Variants in PLXDC2 observed in about 807,000 individuals in gnomAD.
PLXDC2 encodes the protein plexin domain containing 2.
In PLXDC2, 40 loss-of-function variants were observed where a neutral mutation model predicts 68.9. That is an observed-to-expected ratio of 0.58 (90% confidence interval 0.45 to 0.76). PLXDC2 has a LOEUF of 0.76. PLXDC2 is among the 30% of genes least tolerant of loss of function. The pLI is 0.00. For missense variants in PLXDC2, 644 were observed against 661.9 expected, an observed-to-expected ratio of 0.97 and a Z score of 0.30; for synonymous variants, 243 against 234.2, an observed-to-expected ratio of 1.04 and a Z score of -0.34.
chr10:19,998,816 A>G (rs998664475), intron 1 of PLXDC2, among the ~76,000 whole-genome samples: 224 of 152,226 alleles, frequency 1.5e-3, no homozygotes, highest in African/African-American at 5.2e-3. Context: ...TGGGGGAAAA[A>G]AAAAATCAAA....
chr10:19,931,036 C>G (rs1185080087), intron 1 of PLXDC2, among the ~76,000 whole-genome samples: 3 of 152,148 alleles, frequency 2.0e-5, no homozygotes, highest in African/African-American at 7.2e-5. Context: ...AGACGGTGTG[C>G]TTTTGTTTGC....
chr10:19,920,086 G>A (rs554314926), intron 1 of PLXDC2, among the ~76,000 whole-genome samples: 1 of 152,318 alleles, frequency 6.6e-6, no homozygotes, highest in Admixed American at 6.5e-5. Flanking sequence ...ACTTTTAGAT[G>A]GGGCAATATA....
chr10:20,174,703 T>C (rs965328971), intron 7 of PLXDC2, among the ~76,000 whole-genome samples: 6 of 151,926 alleles, frequency 3.9e-5, no homozygotes, highest in African/African-American at 1.5e-4. Context: ...AATGACGAGT[T>C]AATGGGTGCA....
chr10:20,022,850 G>A (rs551000653), intron 2 of PLXDC2, among the ~76,000 whole-genome samples: 2 of 152,086 alleles, frequency 1.3e-5, no homozygotes, highest in South Asian at 2.1e-4. Context: ...CTTTCCTAGA[G>A]TTTTTGCGAA....
At chr10:19,847,249 T>C (rs764064105) in intron 1 of PLXDC2, among the ~76,000 whole-genome samples, 1 of 152,208 alleles carries the variant, frequency 6.6e-6, no homozygotes, top group African/African-American at 2.4e-5. Flanking sequence ...TGTTTGAATG[T>C]GCATGCTTTC....
At chr10:20,190,445 CA>C (rs147414862) in intron 9 of PLXDC2, among the ~76,000 whole-genome samples, 2,369 of 151,772 alleles carry the variant, frequency 0.016, 25 homozygotes, top group Non-Finnish European at 0.026. Context: ...AAACAAAAGG[CA>C]AAGCTCACAG....
intron 1 of PLXDC2, among the ~76,000 whole-genome samples, chr10:19,959,415 C>A (rs190949380): frequency 7.9e-5 from 12 of 152,260 alleles, no homozygotes; most frequent in Middle Eastern, 3.4e-3. Context: ...AATAATTCAT[C>A]ACTGAAAAGA....
chr10:20,026,504 T>C (rs1835405559), intron 2 of PLXDC2, among the ~76,000 whole-genome samples: 1 of 152,130 alleles, frequency 6.6e-6, no homozygotes, highest in Non-Finnish European at 1.5e-5. Flanking sequence ...AGGAAAGTGG[T>C]TCAACTTTTA....
chr10:19,954,668 T>C (rs1417635564), intron 1 of PLXDC2, among the ~76,000 whole-genome samples: 2 of 152,240 alleles, frequency 1.3e-5, no homozygotes, highest in Admixed American at 1.3e-4. Context: ...TATTTCCATT[T>C]ATTGATATTT....
At chr10:20,132,101 C>T (rs1412664222) in intron 4 of PLXDC2, among the ~76,000 whole-genome samples, 1 of 152,284 alleles carries the variant, frequency 6.6e-6, no homozygotes, top group East Asian at 1.9e-4. Flanking sequence ...TCTTCTTTGA[C>T]TCATTGGTTG....
chr10:19,850,527 T>G (rs982527901), intron 1 of PLXDC2, among the ~76,000 whole-genome samples: 2 of 152,122 alleles, frequency 1.3e-5, no homozygotes, highest in African/African-American at 2.4e-5. Flanking sequence ...CTAAAAAGAT[T>G]AGTATCTCAT....
At chr10:20,154,161 T>A (rs896376791) in intron 6 of PLXDC2, among the ~76,000 whole-genome samples, 2 of 152,212 alleles carry the variant, frequency 1.3e-5, no homozygotes, top group African/African-American at 4.8e-5. Context: ...TTCTTCGTAT[T>A]AAGTTGCCAT....
chr10:20,250,069 A>G (rs11011906), intron 13 of PLXDC2, among the ~76,000 whole-genome samples: 37,582 of 151,792 alleles, frequency 0.25, 4,828 homozygotes, highest in African/African-American at 0.31. Flanking sequence ...GGAGTTCGAG[A>G]CCAGTTTGAC....
intron 4 of PLXDC2, among the ~76,000 whole-genome samples, chr10:20,092,624 A>T (rs6482089): frequency 0.42 from 63,199 of 151,810 alleles, 13,411 homozygotes; most frequent in South Asian, 0.67. Flanking sequence ...GTTGAATAAT[A>T]GCCACACAAA....
intron 3 of PLXDC2, among the ~76,000 whole-genome samples, chr10:20,059,274 G>A (rs1386914502): frequency 1.3e-5 from 2 of 152,022 alleles, no homozygotes; most frequent in Non-Finnish European, 2.9e-5. Context: ...CTGAACAGCT[G>A]GACTCTCTGA....
At chr10:20,212,652 C>A (rs533699410) in intron 10 of PLXDC2, among the ~76,000 whole-genome samples, 6 of 152,212 alleles carry the variant, frequency 3.9e-5, no homozygotes, top group Admixed American at 3.9e-4. Context: ...TACTTAGAGA[C>A]TTTTTAAAAA....
intron 13 of PLXDC2, among the ~76,000 whole-genome samples, chr10:20,274,315 A>G (rs928069801): frequency 6.6e-6 from 1 of 152,186 alleles, no homozygotes; most frequent in Non-Finnish European, 1.5e-5. Flanking sequence ...TTGACTTTGT[A>G]CTTTAAAGAT....
At chr10:20,072,632 C>T (rs1209397981) in intron 4 of PLXDC2, among the ~76,000 whole-genome samples, 4 of 152,090 alleles carry the variant, frequency 2.6e-5, no homozygotes, top group Admixed American at 2.0e-4. Flanking sequence ...CCTGATCTGT[C>T]AGTGGAAGGC....
intron 7 of PLXDC2, among the ~76,000 whole-genome samples, chr10:20,165,102 C>T (rs113163578): frequency 0.047 from 7,199 of 152,182 alleles, 231 homozygotes; most frequent in African/African-American, 0.084. Flanking sequence ...GGATTACAGG[C>T]GTGAGCCACC....
Sources: gnomAD v4.1 joint callset for allele counts (sites outside exome capture counted in the v4.1 genomes callset) on GRCh38, gnomAD v4.1.1 for gene constraint, MANE v1.5 for transcripts, NCBI Gene and HGNC (gene_info 2026-07-23, HGNC 2026-07-21) for gene names.